The following ENPP6 variants were observed in gnomAD, a reference collection of about 807,000 sequenced individuals.
The protein encoded by ENPP6 is glycerophosphocholine cholinephosphodiesterase ENPP6.
Under a neutral mutation model 42.0 loss-of-function variants are expected in ENPP6, and 32 were observed. The ratio of observed to expected loss-of-function variants is 0.76; its 90% confidence interval spans 0.58 to 1.02. ENPP6 has a LOEUF of 1.02. Ranked by LOEUF, ENPP6 falls within the 50% of genes least tolerant of loss-of-function variation. The pLI, the probability that ENPP6 is intolerant of heterozygous loss-of-function variation, is 0.00. For synonymous variants in ENPP6, 213 were observed against 216.0 expected, an observed-to-expected ratio of 0.99 and a Z score of 0.12; for missense variants, 552 against 566.8, an observed-to-expected ratio of 0.97 and a Z score of 0.27.
At chr4:184,107,848 G>A (rs1463099390) in intron 6 of ENPP6, among the ~76,000 whole-genome samples, 2 of 151,744 alleles carry the variant, frequency 1.3e-5, no homozygotes, top group Non-Finnish European at 2.9e-5. Flanking sequence ...CCGGGAGGCG[G>A]AGCTTGCTGT....
At chr4:184,115,747 G>C (rs116624501) in intron 5 of ENPP6, among the ~76,000 whole-genome samples, 2,910 of 152,294 alleles carry the variant, frequency 0.019, 95 homozygotes, top group African/African-American at 0.067. Flanking sequence ...GGTGGCTCCT[G>C]ACATAAGGAG....
Position 184,118,701 on chromosome 4 carries a change from C to G in ENPP6, c.534-801G>C, listed in dbSNP as rs373528380. ...CTGGAGTTTAGCTGACACATGCTTG[C>G]TTGCCAGCTGTTTTCCACAGGGATC... On this transcript the variant is annotated intron_variant, in intron 3 of 7. Coordinates refer to ENST00000296741, the MANE Select transcript of ENPP6 (RefSeq NM_153343.4). 4.6e-5 allele frequency among the ~76,000 whole-genome samples: 7 copies of G among 152,348 alleles called. No individual in the cohort carries two copies. The East Asian group carries it at 1.3e-3, about 29-fold the overall frequency.
At chr4:184,095,661 A>T (rs564013129) in intron 7 of ENPP6, among the ~76,000 whole-genome samples, 136 of 148,386 alleles carry the variant, frequency 9.2e-4, no homozygotes, top group African/African-American at 3.4e-3. Context: ...TCTCAAAAAA[A>T]AAAAATATAT....
chr4:184,116,274 G>T (rs1437349732), intron 5 of ENPP6, among the ~76,000 whole-genome samples: 1 of 152,070 alleles, frequency 6.6e-6, no homozygotes, highest in Non-Finnish European at 1.5e-5. Context: ...ATGCTTCCTT[G>T]ATCTCATTTA....
At chr4:184,127,122 G>A (rs1736518185) in intron 2 of ENPP6, among the ~76,000 whole-genome samples, 1 of 152,028 alleles carries the variant, frequency 6.6e-6, no homozygotes, top group Non-Finnish European at 1.5e-5. Context: ...ATATATTATG[G>A]ACTTTACAAC....
intron 7 of ENPP6, among the ~76,000 whole-genome samples, chr4:184,096,709 G>T (rs895388268): frequency 6.6e-6 from 1 of 152,070 alleles, no homozygotes; most frequent in Non-Finnish European, 1.5e-5. Context: ...GGCAACCCTC[G>T]TCATTCTGGC....
chr4:184,215,794 A>G (rs1325991149), intron 1 of ENPP6, among the ~76,000 whole-genome samples: 1 of 152,154 alleles, frequency 6.6e-6, no homozygotes, highest in Non-Finnish European at 1.5e-5. Flanking sequence ...TTTGTCAGAC[A>G]CTCACGGGAC....
At chr4:184,112,482 CG>C (rs1254068746) in intron 6 of ENPP6, 189 bp downstream of exon 6, 1 of 653,568 alleles carries the variant, frequency 1.5e-6, no homozygotes, top group Non-Finnish European at 2.5e-6. Flanking sequence ...ACTCTGGGTT[CG>C]CGTCTACAGT....
intron 1 of ENPP6, among the ~76,000 whole-genome samples, chr4:184,209,395 G>A (rs1334795655): frequency 6.6e-6 from 1 of 151,148 alleles, no homozygotes; most frequent in Non-Finnish European, 1.5e-5. Flanking sequence ...GCTTAAAGGA[G>A]CTGATGGAGC....
chr4:184,164,603 G>A (rs1244553299), intron 1 of ENPP6, among the ~76,000 whole-genome samples: 2 of 152,152 alleles, frequency 1.3e-5, no homozygotes, highest in African/African-American at 2.4e-5. Flanking sequence ...TTCAGAGGGA[G>A]CACGCCCCAT....
At chr4:184,186,923 C>T (rs1158958777) in intron 1 of ENPP6, among the ~76,000 whole-genome samples, 3 of 152,226 alleles carry the variant, frequency 2.0e-5, no homozygotes, top group South Asian at 4.1e-4. Context: ...GTGAGCCCCA[C>T]ACTCAGAATA....
At chr4:184,133,872 ATTTTT>A (rs33932621) in intron 2 of ENPP6, among the ~76,000 whole-genome samples, 1 of 145,868 alleles carries the variant, frequency 6.9e-6, no homozygotes, top group Admixed American at 6.8e-5. Flanking sequence ...ATATTGATTG[ATTTTT>A]TTTTTTTTGA....
intron 6 of ENPP6, among the ~76,000 whole-genome samples, chr4:184,107,743 G>A (rs372877663): frequency 4.8e-4 from 73 of 152,160 alleles, no homozygotes; most frequent in Middle Eastern, 6.8e-3. Context: ...GTGAAACCTC[G>A]TCTCTACTAA....
rs187196350 is a variant in ENPP6 at position 184,107,447 on chromosome 4, G to A, written c.993+5225C>T. On this transcript the variant is annotated intron_variant, in intron 6 of 7. Coordinates refer to ENST00000296741, the MANE Select transcript of ENPP6 (RefSeq NM_153343.4). The stretch of plus-strand genomic sequence containing the variant: ...AAATCCAGCTGGTTTATTAAAGAGT[G>A]CAGGGGCAGAGGCAAACTGGGGGCC... 1.4e-4 allele frequency among the ~76,000 whole-genome samples: 22 copies of A among 152,364 alleles called. 1 individual carries two copies. In the East Asian group the frequency reaches 3.9e-3, roughly 27 times the overall value.
chr4:184,174,398 G>T (rs1319032654), intron 1 of ENPP6, among the ~76,000 whole-genome samples: 2 of 152,046 alleles, frequency 1.3e-5, no homozygotes, highest in African/African-American at 4.8e-5. Flanking sequence ...TGAGATCTTG[G>T]TGCTTTAATC....
intron 1 of ENPP6, among the ~76,000 whole-genome samples, chr4:184,185,238 C>T (rs1469780000): frequency 2.0e-5 from 3 of 152,142 alleles, no homozygotes; most frequent in Non-Finnish European, 2.9e-5. Flanking sequence ...TGGTTTACAC[C>T]GGTTGCTCCT....
chr4:184,156,094 G>A (rs549918514), intron 1 of ENPP6, among the ~76,000 whole-genome samples: 5 of 152,200 alleles, frequency 3.3e-5, no homozygotes, highest in African/African-American at 1.2e-4. Context: ...CCTATAAGGT[G>A]GAGCGCTTTC....
intron 5 of ENPP6, 95 bp from the exon 6 acceptor site, chr4:184,112,904 C>A: frequency 1.5e-6 from 2 of 1,321,628 alleles, no homozygotes; most frequent in Non-Finnish European, 2.0e-6. Context: ...ACGTATAAGA[C>A]CAAAGAAAGA....
chr4:184,093,061 T>C (rs1270339872), intron 7 of ENPP6, among the ~76,000 whole-genome samples: 1 of 152,188 alleles, frequency 6.6e-6, no homozygotes, highest in Non-Finnish European at 1.5e-5. Flanking sequence ...CTTTGGAGAA[T>C]TAAAGTTGAA....
Sources: allele counts gnomAD v4.1 joint callset (sites outside exome capture counted in the v4.1 genomes callset), GRCh38; gene constraint gnomAD v4.1.1; transcripts MANE v1.5; gene names NCBI Gene and HGNC (gene_info 2026-07-23, HGNC 2026-07-21).